CNTNAP2: variants seen among roughly 807,000 people sequenced by gnomAD.
CNTNAP2 encodes contactin-associated protein-like 2.
A neutral mutation model predicts 155.2 loss-of-function variants in CNTNAP2; 98 were observed. That is an observed-to-expected ratio of 0.63 (90% CI 0.54 to 0.75). The LOEUF (loss-of-function observed/expected upper bound fraction) is 0.75, where lower values mean the gene tolerates loss of function less well. CNTNAP2 is among the 30% of genes least tolerant of loss of function. The pLI, the probability that CNTNAP2 is intolerant of heterozygous loss-of-function variation, is 0.00. For missense variants in CNTNAP2, 1,727 were observed against 1,688.1 expected, an observed-to-expected ratio of 1.02 and a Z score of -0.40; for synonymous variants, 651 against 631.2, an observed-to-expected ratio of 1.03 and a Z score of -0.47.
intron 10 of CNTNAP2, among the ~76,000 whole-genome samples, chr7:147,427,660 C>T (rs762932300): frequency 2.0e-5 from 3 of 152,036 alleles, no homozygotes; most frequent in Non-Finnish European, 4.4e-5. Context: ...GAGAATTGAA[C>T]GGCAGCCACA....
chr7:148,045,490 G>T (rs1359678285), intron 15 of CNTNAP2, among the ~76,000 whole-genome samples: 2 of 152,132 alleles, frequency 1.3e-5, no homozygotes, highest in South Asian at 4.1e-4. Flanking sequence ...GTGGGCACTA[G>T]CAGATACCTG....
chr7:146,588,598 C>A (rs1263933313), intron 1 of CNTNAP2, among the ~76,000 whole-genome samples: 3 of 152,016 alleles, frequency 2.0e-5, no homozygotes, highest in Non-Finnish European at 4.4e-5. Context: ...TCTCGACCTC[C>A]CCAAGCTCAG....
chr7:147,539,456 A>G (rs1799602781), intron 11 of CNTNAP2, among the ~76,000 whole-genome samples: 1 of 152,154 alleles, frequency 6.6e-6, no homozygotes, highest in South Asian at 2.1e-4. Flanking sequence ...AAGTCCAGGC[A>G]CTTAGACAGT....
At chr7:148,177,435 T>C (rs73744766) in intron 18 of CNTNAP2, among the ~76,000 whole-genome samples, 7,820 of 152,230 alleles carry the variant, frequency 0.051, 648 homozygotes, top group African/African-American at 0.17. Flanking sequence ...GAAAGATTCT[T>C]CCCTAGAGTT....
At chr7:148,035,192 T>A (rs1429561018) in intron 15 of CNTNAP2, among the ~76,000 whole-genome samples, 1 of 152,184 alleles carries the variant, frequency 6.6e-6, no homozygotes, top group African/African-American at 2.4e-5. Flanking sequence ...GGCCATGTAA[T>A]GAACAGCCAT....
chr7:147,051,504 G>A lies in CNTNAP2; in HGVS notation c.550+7450G>A, dbSNP rs1251617332. Among the ~76,000 whole-genome samples the A allele has an allele frequency of 2.0e-5, 3 of 152,172 alleles. No homozygotes were observed. In the East Asian group the frequency reaches 5.8e-4, roughly 29 times the overall value. On this transcript the variant is annotated intron_variant, in intron 4 of 23. Transcript: ENST00000361727. ...ACTCTATGATAAATGCTATGACAGA[G>A]AAGCAAGCCTCGCCTATGTTGATTA...
chr7:147,813,383 T>C (rs1798213164), intron 13 of CNTNAP2, among the ~76,000 whole-genome samples: 1 of 152,208 alleles, frequency 6.6e-6, no homozygotes, highest in African/African-American at 2.4e-5. Flanking sequence ...ATGAAAAAGA[T>C]AGTCATATGT....
At chr7:147,200,964 T>A (rs1802910244) in intron 8 of CNTNAP2, among the ~76,000 whole-genome samples, 1 of 152,212 alleles carries the variant, frequency 6.6e-6, no homozygotes, top group Admixed American at 6.5e-5. Context: ...GAGGGTCATG[T>A]TAGTGTTTTA....
intron 1 of CNTNAP2, among the ~76,000 whole-genome samples, chr7:146,572,116 C>G (rs1179104679): frequency 6.6e-6 from 1 of 152,114 alleles, no homozygotes; most frequent in Non-Finnish European, 1.5e-5. Flanking sequence ...CTATTGCAGT[C>G]TTGAATATTA....
chr7:146,790,522 G>A (rs1048615948), intron 2 of CNTNAP2, among the ~76,000 whole-genome samples: 2 of 151,808 alleles, frequency 1.3e-5, no homozygotes, highest in Non-Finnish European at 2.9e-5. Flanking sequence ...ACGTCCAAAT[G>A]ATGCAACTTC....
At chr7:148,118,095 A>G (rs757464596) in intron 15 of CNTNAP2, 23 bp from the exon 16 acceptor site, 2 of 1,613,534 alleles carry the variant, frequency 1.2e-6, no homozygotes. Flanking sequence ...AGTTAACCTG[A>G]TTTTTTTGTT....
intron 1 of CNTNAP2, among the ~76,000 whole-genome samples, chr7:146,641,126 G>A (rs993301686): frequency 2.4e-4 from 37 of 152,110 alleles, no homozygotes; most frequent in African/African-American, 8.2e-4. Context: ...GGAGATCGAG[G>A]CCATCCTGGC....
At chr7:148,291,297 TAATATATATATATATAAA>T (rs1797185106) in intron 21 of CNTNAP2, among the ~76,000 whole-genome samples, 1 of 46,750 alleles carries the variant, frequency 2.1e-5, no homozygotes, top group Non-Finnish European at 3.9e-5. Flanking sequence ...AATATATATA[TAATATATATATATATAAA>T]ATATGGAATT....
At chr7:146,570,373 TG>T (rs1211563112) in intron 1 of CNTNAP2, among the ~76,000 whole-genome samples, 7 of 152,182 alleles carry the variant, frequency 4.6e-5, no homozygotes, top group Non-Finnish European at 8.8e-5. Context: ...TTCTAAATTT[TG>T]GGGATGCTTG....
At chr7:146,742,066 TTA>T (rs1801727248) in intron 1 of CNTNAP2, among the ~76,000 whole-genome samples, 1 of 115,688 alleles carries the variant, frequency 8.6e-6, no homozygotes, top group African/African-American at 3.1e-5. Flanking sequence ...TTAGACTGTG[TTA>T]AAAAAAAAAA....
intron 1 of CNTNAP2, 197 bp downstream of exon 1, chr7:146,117,170 G>C (rs1168958897): frequency 1.2e-5 from 7 of 586,680 alleles, no homozygotes; most frequent in Non-Finnish European, 2.1e-5. Context: ...ACAGGGTTGT[G>C]ACGCTGGTGA....
intron 14 of CNTNAP2, among the ~76,000 whole-genome samples, chr7:147,964,786 C>A (rs546856114): frequency 6.6e-6 from 1 of 152,062 alleles, no homozygotes; most frequent in Non-Finnish European, 1.5e-5. Context: ...AAATGGTTCA[C>A]CCTCTAAATT....
chr7:148,383,594 G>A (rs977355098), intron 21 of CNTNAP2, 55 bp from the exon 22 acceptor site: 5 of 1,613,750 alleles, frequency 3.1e-6, no homozygotes, highest in Non-Finnish European at 4.2e-6. Context: ...CAGGTATGTT[G>A]TACAGCTGGA....
intron 15 of CNTNAP2, among the ~76,000 whole-genome samples, chr7:148,081,463 C>T (rs1803602067): frequency 6.6e-6 from 1 of 151,996 alleles, no homozygotes; most frequent in Non-Finnish European, 1.5e-5. Context: ...GGCAGAAAAA[C>T]CTTGAAAAGA....
Sources: gnomAD v4.1 joint callset for allele counts (sites outside exome capture counted in the v4.1 genomes callset) on GRCh38, gnomAD v4.1.1 for gene constraint, MANE v1.5 for transcripts, NCBI Gene and HGNC (gene_info 2026-07-23, HGNC 2026-07-21) for gene names.